The following CACNA2D3 variants were observed in gnomAD, a reference collection of about 807,000 sequenced individuals.
CACNA2D3 encodes calcium voltage-gated channel auxiliary subunit alpha2delta 3.
Under a neutral mutation model 160.6 loss-of-function variants are expected in CACNA2D3, and 60 were observed. That is an observed-to-expected ratio of 0.37 (90% CI 0.30 to 0.46). The LOEUF (loss-of-function observed/expected upper bound fraction) is 0.46. CACNA2D3 is among the 20% of genes least tolerant of loss of function. The pLI is 1.00. For missense variants in CACNA2D3, 1,205 were observed against 1,365.0 expected (o/e 0.88, Z 1.85); for synonymous variants, 558 against 492.9 (o/e 1.13, Z -1.75).
chr3:54,135,278 A>G (rs1280741825), intron 2 of CACNA2D3, among the ~76,000 whole-genome samples: 1 of 151,934 alleles, frequency 6.6e-6, no homozygotes, highest in East Asian at 1.9e-4. Flanking sequence ...TCTGCAACAT[A>G]CCTGCAGCAT....
chr3:54,676,873 C>T (rs1204836829), intron 11 of CACNA2D3, among the ~76,000 whole-genome samples: 1 of 152,152 alleles, frequency 6.6e-6, no homozygotes, highest in African/African-American at 2.4e-5. Flanking sequence ...TTAACTTTGA[C>T]CCCCCAAAAC....
chr3:54,381,416 C>T (rs1482802094), intron 3 of CACNA2D3, among the ~76,000 whole-genome samples: 4 of 152,154 alleles, frequency 2.6e-5, no homozygotes, highest in Admixed American at 2.0e-4. Flanking sequence ...ATTACCTTCC[C>T]GCCTCTCACC....
intron 5 of CACNA2D3, among the ~76,000 whole-genome samples, chr3:54,516,688 G>A (rs1180510891): frequency 6.6e-6 from 1 of 152,128 alleles, no homozygotes; most frequent in Non-Finnish European, 1.5e-5. Context: ...CAGAGCCCCA[G>A]CGGTTGAGTC....
chr3:54,837,396 A>C (rs1299060798), intron 15 of CACNA2D3, among the ~76,000 whole-genome samples, 166 bp downstream of exon 15: 1 of 152,156 alleles, frequency 6.6e-6, no homozygotes. Flanking sequence ...AACAGATGAG[A>C]GGAACCCAGG....
Position 54,863,773 on chromosome 3 carries a change from T to C in CACNA2D3, c.1627-7766T>C, listed in dbSNP as rs553638142. Among the ~76,000 whole-genome samples, 10 of 152,290 alleles carry C rather than the reference T, an allele frequency of 6.6e-5. No individual in the cohort carries two copies. In the South Asian group the frequency reaches 1.4e-3, roughly 22 times the overall value. The stretch of plus-strand genomic sequence containing the variant: ...AGTTTTACAGCGATCAAAAGGATTT[T>C]GTAATCATACTAAGAGAGCACATAC... On this transcript the variant is annotated intron_variant, in intron 17 of 37. Coordinates refer to ENST00000474759, the MANE Select transcript of CACNA2D3 (RefSeq NM_018398.3).
intron 9 of CACNA2D3, among the ~76,000 whole-genome samples, chr3:54,602,518 AAAAG>A (rs1247104365): frequency 2.0e-5 from 3 of 150,974 alleles, no homozygotes; most frequent in Non-Finnish European, 3.0e-5. Flanking sequence ...AAAAAAAAAA[AAAAG>A]GGAAAAAAGA....
intron 13 of CACNA2D3, among the ~76,000 whole-genome samples, chr3:54,813,105 G>A (rs1044255044): frequency 1.2e-4 from 18 of 152,146 alleles, no homozygotes; most frequent in African/African-American, 4.3e-4. Context: ...TCTCAGGAGT[G>A]TGTAAACCCA....
chr3:54,500,796 A>G (rs1348539012), intron 4 of CACNA2D3, among the ~76,000 whole-genome samples: 1 of 152,158 alleles, frequency 6.6e-6, no homozygotes, highest in Non-Finnish European at 1.5e-5. Context: ...AAATAACCTT[A>G]CACTACTTCA....
chr3:54,357,807 G>C, intron 3 of CACNA2D3, among the ~76,000 whole-genome samples: 1 of 152,204 alleles, frequency 6.6e-6, no homozygotes, highest in East Asian at 1.9e-4. Flanking sequence ...AGTGAAAGAA[G>C]CCAATGTGAA....
intron 5 of CACNA2D3, among the ~76,000 whole-genome samples, chr3:54,512,595 G>A (rs1281344479): frequency 6.6e-6 from 1 of 152,186 alleles, no homozygotes; most frequent in Non-Finnish European, 1.5e-5. Flanking sequence ...GGAGGACAAT[G>A]TGGAGGTAGA....
At chr3:54,483,484 T>C (rs1700966860) in intron 4 of CACNA2D3, among the ~76,000 whole-genome samples, 1 of 152,238 alleles carries the variant, frequency 6.6e-6, no homozygotes, top group Non-Finnish European at 1.5e-5. Context: ...CCGATCTGTA[T>C]TGTCAGCACA....
chr3:54,237,186 A>G (rs1010082422), intron 2 of CACNA2D3, among the ~76,000 whole-genome samples: 1 of 152,022 alleles, frequency 6.6e-6, no homozygotes, highest in African/African-American at 2.4e-5. Context: ...CGAAGAATTA[A>G]TTGTGCTAAA....
chr3:54,255,222 C>T (rs1056934289), intron 2 of CACNA2D3, among the ~76,000 whole-genome samples: 3 of 152,150 alleles, frequency 2.0e-5, no homozygotes, highest in African/African-American at 4.8e-5. Context: ...GCGTTAAAAC[C>T]GTCTAAGCCT....
rs140343500 is a variant in CACNA2D3, at chr3:54,925,113, C to A, written c.2449+25245C>A. ...AGGGATTTCGGCCAGACCCTGCTGG[C>A]TGCAGTCTACAAAATTTGTAGATGA... On this transcript the variant is annotated intron_variant, in intron 27 of 37. Coordinates refer to ENST00000474759, the MANE Select transcript of CACNA2D3 (RefSeq NM_018398.3). 1.7e-5 allele frequency: 28 copies of A among 1,614,120 alleles called. 1 individual carries two copies. In the African/African-American group the frequency reaches 3.5e-4, roughly 20 times the overall value.
intron 4 of CACNA2D3, among the ~76,000 whole-genome samples, chr3:54,466,877 G>A (rs898857197): frequency 6.6e-6 from 1 of 152,160 alleles, no homozygotes; most frequent in South Asian, 2.1e-4. Flanking sequence ...TCATCATTTT[G>A]TGGTGTTATC....
chr3:54,283,853 A>C (rs948180219), intron 2 of CACNA2D3, among the ~76,000 whole-genome samples: 1 of 152,168 alleles, frequency 6.6e-6, no homozygotes, highest in East Asian at 1.9e-4. Context: ...ACTTGAGGTC[A>C]GGAGCTCGAG....
At chr3:54,467,149 C>T (rs557527002) in intron 4 of CACNA2D3, among the ~76,000 whole-genome samples, 45 of 152,070 alleles carry the variant, frequency 3.0e-4, no homozygotes, top group African/African-American at 9.2e-4. Flanking sequence ...CACATCATTG[C>T]GTCAGATGAT....
rs115637298 is a variant in CACNA2D3, at chr3:54,786,812, G to A, written c.1380+22461G>A. ...GAATGTTGAAACTGGGAGCACATAC[G>A]GTGACACCTCAGAGAGCCTGCATCT... On this transcript the variant is annotated intron_variant, in intron 13 of 37. Coordinates refer to ENST00000474759, the MANE Select transcript of CACNA2D3 (RefSeq NM_018398.3). 7.0e-3 allele frequency among the ~76,000 whole-genome samples: 1,063 copies of A among 152,176 alleles called. 11 individuals carry two copies. The highest frequency in any genetic ancestry group is 0.011 in the Non-Finnish European group (741 of 67,992).
intron 2 of CACNA2D3, among the ~76,000 whole-genome samples, chr3:54,242,398 G>A (rs914041690): frequency 1.3e-5 from 2 of 152,196 alleles, no homozygotes; most frequent in Admixed American, 6.5e-5. Context: ...AGCTGAGATC[G>A]TGCCACTGCA....
Sources: allele counts gnomAD v4.1 joint callset (sites outside exome capture counted in the v4.1 genomes callset), GRCh38; gene constraint gnomAD v4.1.1; transcripts MANE v1.5; gene names NCBI Gene and HGNC (gene_info 2026-07-23, HGNC 2026-07-21).